Variants in CA12 observed in about 807,000 individuals in gnomAD.
CA12 encodes carbonic anhydrase 12.
CA12 carries 36 observed loss-of-function variants against 46.8 expected under a neutral mutation model. The observed-to-expected ratio is 0.77, with a 90% confidence interval of 0.59 to 1.02. CA12 has a LOEUF of 1.02. Ranked by LOEUF, CA12 falls within the 50% of genes least tolerant of loss-of-function variation. The probability of loss-of-function intolerance (pLI) is 0.00; values close to 1 mark genes in which losing one functional copy is unlikely to be tolerated. For missense variants in CA12, 436 were observed against 451.4 expected, an observed-to-expected ratio of 0.97 and a Z score of 0.31; for synonymous variants, 202 against 187.0, an observed-to-expected ratio of 1.08 and a Z score of -0.65.
At position 63,378,930 on chromosome 15, in the gene CA12, G is replaced by A. The variant is rs949249543; in HGVS notation, c.85+2706C>T. ...CTTGCCAGCAGTTTGCATTGTACCT[G>A]CTCACATTCAAATCATAGCCTTATA... On this transcript the variant is annotated intron_variant, in intron 1 of 10. Transcript: ENST00000178638. The surrounding 1 kb of genome is among the most constrained non-coding windows in gnomAD (Gnocchi z 4.8). 3 of 152,168 alleles carry A rather than the reference G, an allele frequency of 2.0e-5. No individual in the cohort carries two copies. The highest frequency in any genetic ancestry group is 7.2e-5 in the African/African-American group (3 of 41,424). The allele number at this position is 152,168 out of a possible 1,614,324, so 9.4% of individuals were successfully genotyped here. A position where few individuals can be genotyped will look rare whatever the true frequency, so the allele number is the denominator to read the frequency against.
rs2038818153 is a variant in CA12 at position 63,323,303 on chromosome 15, C to T, written c.*2982G>A. The T allele has an allele frequency of 1.3e-5, 2 of 152,222 alleles. No individual in the cohort carries two copies. The highest frequency in any genetic ancestry group is 2.9e-5 in the Non-Finnish European group (2 of 68,058). The allele number at this position is 152,222 out of a possible 1,614,324, so 9.4% of individuals were successfully genotyped here. A position where few individuals can be genotyped will look rare whatever the true frequency, so the allele number is the denominator to read the frequency against. ...TATTTAATTCCTCTAGGCTTCCCAG[C>T]ACCATTAAGCAGCTTCGCGACCTGC... On this transcript the variant is annotated 3_prime_UTR_variant, in exon 11 of 11. Transcript: ENST00000178638. This position sits in a 1 kb window ranked among gnomAD's most constrained non-coding sequence, Gnocchi z 5.1.
rs767581147 is a variant in CA12 at position 63,338,847 on chromosome 15, C to T, written c.846G>A (p.Glu282=). 1.6e-5 allele frequency: 26 copies of T among 1,614,068 alleles called. No individual in the cohort carries two copies. The highest frequency in any genetic ancestry group is 2.7e-5 in the African/African-American group (2 of 74,932). ...NNFRQVQKFD[E]RLVYTSFSQV... ...GGGAGAAGGAGGTGTATACCAGCCT[C>T]TCATCGAACTTCTGGACCTGCCGGA... The change falls in exon 8 of 11, where the codon GAG becomes GAA. Residue 282 remains glutamate, a synonymous_variant. Coordinates refer to ENST00000178638, the MANE Select transcript of CA12 (RefSeq NM_001218.5).
chr15:63,375,780 C>A, intron 1 of CA12, 102 bp from the exon 2 acceptor site: 3 of 745,456 alleles, frequency 4.0e-6, no homozygotes, highest in South Asian at 1.7e-5. Flanking sequence ...AAAAGGAGGT[C>A]GATGCCCAGA....
At position 63,346,594 on chromosome 15, in the gene CA12, G is replaced by A. The variant is rs368903771; in HGVS notation, c.222C>T (p.Leu74=). The A allele has an allele frequency of 8.1e-6, 13 of 1,613,972 alleles. No individual in the cohort carries two copies. The highest frequency in any genetic ancestry group is 3.3e-5 in the South Asian group (3 of 91,080). The change falls in exon 3 of 11, where the codon CTC becomes CTT. Residue 74 remains leucine (L), a synonymous_variant. Transcript: ENST00000178638. ...ILQYDASLTP[L]EFQGYNLSAN... is the part of the protein sequence containing the mutation. Reference sequence around the variant, plus strand: ...CAGACAGATTGTAGCCTTGGAACTCGAGGGGCGTGAGGCTGGCGTCATACT... The same window carrying A: ...CAGACAGATTGTAGCCTTGGAACTCAAGGGGCGTGAGGCTGGCGTCATACT...
At position 63,341,774 on chromosome 15, in the gene CA12, T is replaced by C. The variant is rs1173932096; in HGVS notation, c.525+228A>G. Among the ~76,000 whole-genome samples, 1 of 152,196 alleles carries C rather than the reference T, an allele frequency of 6.6e-6. No individual in the cohort carries two copies. The highest frequency in any genetic ancestry group is 2.4e-5 in the African/African-American group (1 of 41,462). ...AGGGCTAGATGTTGGGGCCCGTTTT[T>C]CCAACGGACCAAAGAACATTCCCCA... On this transcript the variant is annotated intron_variant, in intron 5 of 10. Transcript: ENST00000178638. This position sits in a 1 kb window ranked among gnomAD's most constrained non-coding sequence, Gnocchi z 5.2.
intron 1 of CA12, among the ~76,000 whole-genome samples, chr15:63,377,956 C>T (rs954626031): frequency 1.5e-4 from 23 of 152,172 alleles, no homozygotes; most frequent in African/African-American, 5.3e-4. Flanking sequence ...GGAGTCCCAC[C>T]GCATTTACCA....
rs2038836921 is a variant in CA12, at chr15:63,324,296, T to TA, written c.*1988dup. Reference sequence around the variant, plus strand: ...TTTCATGAACAGCCCTTGTGCCAGGTACAATGGTCTCTCTGTTCTCTCACA... The same window carrying TA: ...TTTCATGAACAGCCCTTGTGCCAGGTAACAATGGTCTCTCTGTTCTCTCACA... On this transcript the variant is annotated 3_prime_UTR_variant, in exon 11 of 11. Transcript: ENST00000178638. The TA allele has an allele frequency of 6.6e-6, 1 of 152,308 alleles. No homozygotes were observed. Among genetic ancestry groups the TA allele is most frequent in the Non-Finnish European group, 1.5e-5 (1 of 68,112 alleles). The allele number at this position is 152,308 out of a possible 1,614,324, so 9.4% of individuals were successfully genotyped here.
intron 2 of CA12, among the ~76,000 whole-genome samples, chr15:63,360,856 C>T (rs775959290): frequency 9.2e-5 from 14 of 152,198 alleles, no homozygotes; most frequent in Non-Finnish European, 1.5e-4. Context: ...TATATGTCTA[C>T]CTCCCCCTCA....
chr15:63,375,761 G>A, intron 1 of CA12, 83 bp from the exon 2 acceptor site: 1 of 999,280 alleles, frequency 1.0e-6, no homozygotes, highest in Non-Finnish European at 1.5e-6. Context: ...TTTGATATGA[G>A]CGAAATTGAA....
At position 63,345,440 on chromosome 15, in the gene CA12, G is replaced by T. The variant is rs755175510; in HGVS notation, c.429+37C>A. On this transcript the variant is annotated intron_variant, in intron 4 of 10. Transcript: ENST00000178638. This position sits in a 1 kb window ranked among gnomAD's most constrained non-coding sequence, Gnocchi z 4.3. ...TCGAGAAGGTGCCACACCACCCACT[G>T]CAGAGCAGCCTCTGCCAGACTGGCA... 3.7e-6 allele frequency: 6 copies of T among 1,601,190 alleles called. No homozygotes were observed. The highest frequency in any genetic ancestry group is 5.1e-6 in the Non-Finnish European group (6 of 1,179,636).
intron 2 of CA12, among the ~76,000 whole-genome samples, chr15:63,356,723 A>G (rs2039300619): frequency 6.6e-6 from 1 of 152,094 alleles, no homozygotes; most frequent in Non-Finnish European, 1.5e-5. Context: ...GGGTTTCACC[A>G]GTCTCGATCT....
Position 63,341,882 on chromosome 15 carries a change from T to C in CA12, c.525+120A>G. 5.4e-6 allele frequency: 4 copies of C among 743,462 alleles called. No homozygotes were observed. The highest frequency in any genetic ancestry group is 2.4e-6 in the Non-Finnish European group (1 of 416,352). The allele number at this position is 743,462 out of a possible 1,614,324, so 46.1% of individuals were successfully genotyped here. ...CAGGAGGATACCCCCTGCTCTGGAG[T>C]TGACACGGAGTCGATACAGGAACAG... On this transcript the variant is annotated intron_variant, in intron 5 of 10. Transcript: ENST00000178638. The surrounding 1 kb of genome is among the most constrained non-coding windows in gnomAD (Gnocchi z 5.2).
Position 63,345,409 on chromosome 15 carries a change from G to A in CA12, c.429+68C>T. 1 of 1,584,544 alleles carries A rather than the reference G, an allele frequency of 6.3e-7. No homozygotes were observed. Among genetic ancestry groups the A allele is most frequent in the Non-Finnish European group, 8.6e-7 (1 of 1,167,954 alleles). Reference sequence around the variant, plus strand: ...ATGCTCTGGTGTTATCTGCACAGCAGCCAGGTCGAGAAGGTGCCACACCAC... The same window carrying A: ...ATGCTCTGGTGTTATCTGCACAGCAACCAGGTCGAGAAGGTGCCACACCAC... On this transcript the variant is annotated intron_variant, in intron 4 of 10. Coordinates refer to ENST00000178638, the MANE Select transcript of CA12 (RefSeq NM_001218.5). The surrounding 1 kb of genome is among the most constrained non-coding windows in gnomAD (Gnocchi z 4.3).
At position 63,378,080 on chromosome 15, in the gene CA12, T is replaced by G. The variant is rs563180234; in HGVS notation, c.86-2402A>C. On this transcript the variant is annotated intron_variant, in intron 1 of 10. Transcript: ENST00000178638. This position sits in a 1 kb window ranked among gnomAD's most constrained non-coding sequence, Gnocchi z 4.8. ...GAGTATCCGATGAGTATTATGGACC[T>G]CTCCCAGTAAAAATTTCCCTAAGCT... is the stretch of plus-strand genomic sequence containing the variant. Among the ~76,000 whole-genome samples, 14 of 152,304 alleles carry G rather than the reference T, an allele frequency of 9.2e-5. No homozygotes were observed. The South Asian group carries it at 2.9e-3, about 32-fold the overall frequency.
rs1402937259 is a variant in CA12 at position 63,373,498 on chromosome 15, T to C, written c.106+2160A>G. Among the ~76,000 whole-genome samples the C allele has an allele frequency of 6.6e-6, 1 of 152,178 alleles. No homozygotes were observed. Among genetic ancestry groups the C allele is most frequent in the Non-Finnish European group, 1.5e-5 (1 of 68,026 alleles). On this transcript the variant is annotated intron_variant, in intron 2 of 10. Coordinates refer to ENST00000178638, the MANE Select transcript of CA12 (RefSeq NM_001218.5). This position sits in a 1 kb window ranked among gnomAD's most constrained non-coding sequence, Gnocchi z 4.9. ...AGAGATGTGATCTGTGTTTCTATCA[T>C]ACCTGAGAGGCCAGCAGAAGAGGTG...
chr15:63,323,050 G>C lies in CA12; in HGVS notation c.*3235C>G, dbSNP rs901945385. The C allele has an allele frequency of 4.6e-5, 7 of 152,338 alleles. No individual in the cohort carries two copies. The highest frequency in any genetic ancestry group is 1.7e-4 in the African/African-American group (7 of 41,586). The allele number at this position is 152,338 out of a possible 1,614,324, so 9.4% of individuals were successfully genotyped here. ...TCTGGATTTAGACAAAAGATTATTT[G>C]GACGGGTGATAGTATGTTTTGCAAA... On this transcript the variant is annotated 3_prime_UTR_variant, in exon 11 of 11. Coordinates refer to ENST00000178638, the MANE Select transcript of CA12 (RefSeq NM_001218.5). This position sits in a 1 kb window ranked among gnomAD's most constrained non-coding sequence, Gnocchi z 5.1.
chr15:63,327,219 G>A lies in CA12; in HGVS notation c.922C>T (p.Leu308=), dbSNP rs754253711. 1.9e-6 allele frequency: 3 copies of A among 1,613,894 alleles called. No homozygotes were observed. The African/African-American group carries it at 4.0e-5, about 22-fold the overall frequency. ...ATGCCAAGAATGCCAGCCAGGGCCA[G>A]TGAGAGGATGATGCCTGGTGAAGAG... is the stretch of plus-strand genomic sequence containing the variant. ...AGLSLGIILS[L]ALAGILGICI... The change falls in exon 10 of 11, where the codon CTG becomes TTG. Residue 308 remains leucine (L), a synonymous_variant. Transcript: ENST00000178638. The surrounding 1 kb of genome is among the most constrained non-coding windows in gnomAD (Gnocchi z 4.5).
intron 2 of CA12, among the ~76,000 whole-genome samples, chr15:63,351,510 C>A (rs1324681100): frequency 1.3e-5 from 2 of 152,182 alleles, no homozygotes. Flanking sequence ...AGTGCCCCAA[C>A]CTGTCAAAGT....
In CA12 at chr15:63,372,694, C is replaced by T. The variant is rs2039522250; in HGVS notation, c.106+2964G>A. 6.6e-6 allele frequency among the ~76,000 whole-genome samples: 1 copy of T among 152,200 alleles called. No homozygotes were observed. The highest frequency in any genetic ancestry group is 1.5e-5 in the Non-Finnish European group (1 of 68,038). ...CTGGGCCCTCTGTCTACCTGTGCAGCCCTGAGCACAGGTGCCAGCTGCCAG... is the reference window on the plus strand; with the variant it reads ...CTGGGCCCTCTGTCTACCTGTGCAGTCCTGAGCACAGGTGCCAGCTGCCAG... On this transcript the variant is annotated intron_variant, in intron 2 of 10. Transcript: ENST00000178638. This position sits in a 1 kb window ranked among gnomAD's most constrained non-coding sequence, Gnocchi z 4.5.
Sources: allele counts gnomAD v4.1 joint callset (sites outside exome capture counted in the v4.1 genomes callset), GRCh38; gene constraint gnomAD v4.1.1; non-coding constraint Gnocchi (gnomAD v3.1); transcripts MANE v1.5; gene names NCBI Gene and HGNC (gene_info 2026-07-23, HGNC 2026-07-21).